Variants in CFAP47 observed in about 807,000 individuals in gnomAD.
The protein encoded by CFAP47 is cilia and flagella associated protein 47, also known as cilia- and flagella-associated protein 47.
CFAP47 carries 29 observed loss-of-function variants against 148.1 expected under a neutral mutation model. That is an observed-to-expected ratio of 0.20 (90% CI 0.15 to 0.27). The LOEUF (loss-of-function observed/expected upper bound fraction) is 0.27, where lower values mean the gene tolerates loss of function less well. CFAP47 is among the 10% of genes least tolerant of loss of function. The pLI is 1.00. For synonymous variants in CFAP47, 664 were observed against 577.3 expected (o/e 1.15, Z -2.15); for missense variants, 1,872 against 1,697.5 (o/e 1.10, Z -1.81).
chrX:35,951,108 G>T (rs1321703380), intron 4 of CFAP47, 23 bp from the exon 5 acceptor site: 1 of 1,055,882 alleles, frequency 9.5e-7, no homozygotes, highest in South Asian at 1.9e-5. Context: ...ATGTATGTAT[G>T]TGCATATCTT....
Position 36,261,851 on chromosome X carries a change from G to T in CFAP47, c.7444+10407G>T, listed in dbSNP as rs782071738. Among the ~76,000 whole-genome samples, 209 of 111,568 alleles carry T rather than the reference G, an allele frequency of 1.9e-3. 1 individual carries two copies. The highest frequency in any genetic ancestry group is 6.2e-3 in the African/African-American group (188 of 30,537). On this transcript the variant is annotated intron_variant, in intron 49 of 63. Coordinates refer to ENST00000378653, the MANE Select transcript of CFAP47 (RefSeq NM_001304548.2). ...AATGAGCTGTTGGGTACACCTCCCA[G>T]ACGGGGTGGTGGCCGGGCAGAGGGG... is the stretch of plus-strand genomic sequence containing the variant.
At chrX:36,031,103 A>G (rs774659467) in intron 22 of CFAP47, 150 bp from the exon 23 acceptor site, 2 of 245,399 alleles carry the variant, frequency 8.1e-6, no homozygotes, top group Non-Finnish European at 1.5e-5. Flanking sequence ...AAATGTTTTT[A>G]AATGTTATTT....
chrX:36,294,544 A>G (rs1373206100), intron 51 of CFAP47, among the ~76,000 whole-genome samples: 2 of 109,838 alleles, frequency 1.8e-5, no homozygotes, highest in African/African-American at 6.6e-5. Flanking sequence ...CCCCGTCTCT[A>G]CTAAAAATAC....
chrX:36,164,466 G>A (rs1320300488), intron 39 of CFAP47, among the ~76,000 whole-genome samples: 1 of 111,223 alleles, frequency 9.0e-6, no homozygotes, highest in Non-Finnish European at 1.9e-5. Flanking sequence ...TCTTGTATTA[G>A]TATAGCTACT....
At chrX:35,947,792 G>C (rs923324127) in intron 3 of CFAP47, among the ~76,000 whole-genome samples, 1 of 111,762 alleles carries the variant, frequency 8.9e-6, no homozygotes, top group Non-Finnish European at 1.9e-5. Flanking sequence ...TGGAGGTAAT[G>C]ATTGAAAATA....
chrX:36,178,266 C>A (rs188806033), intron 39 of CFAP47, among the ~76,000 whole-genome samples: 1 of 110,524 alleles, frequency 9.0e-6, no homozygotes, highest in Admixed American at 9.6e-5. Flanking sequence ...TCAATTATAC[C>A]CCAAACCTCA....
chrX:35,937,104 G>GTTTTTTTTTTTTTTTT (rs377601530), intron 2 of CFAP47, among the ~76,000 whole-genome samples: 1 of 55,541 alleles, frequency 1.8e-5, no homozygotes, highest in Non-Finnish European at 3.6e-5. Context: ...TGCAATTGCT[G>GTTTTTTTTTTTTTTTT]TTTTTTTTTT....
At chrX:36,084,658 AT>A (rs1314922075) in intron 29 of CFAP47, among the ~76,000 whole-genome samples, 1 of 111,805 alleles carries the variant, frequency 8.9e-6, no homozygotes, top group Non-Finnish European at 1.9e-5. Context: ...AATAGTGGTA[AT>A]TTTTAACTTC....
intron 48 of CFAP47, among the ~76,000 whole-genome samples, chrX:36,240,741 T>C (rs924868289): frequency 9.0e-6 from 1 of 111,654 alleles, no homozygotes; most frequent in African/African-American, 3.3e-5. Context: ...GCCCCAGATT[T>C]TATTAAACTT....
At chrX:36,300,915 A>C (rs1450097229) in intron 52 of CFAP47, among the ~76,000 whole-genome samples, 157 bp from the exon 53 acceptor site, 2 of 112,530 alleles carry the variant, frequency 1.8e-5, no homozygotes, top group African/African-American at 3.2e-5. Flanking sequence ...AAGAATTAAA[A>C]ATACATCTAC....
chrX:36,317,923 A>T (rs1349806427), intron 56 of CFAP47, among the ~76,000 whole-genome samples: 1 of 111,780 alleles, frequency 8.9e-6, no homozygotes, highest in African/African-American at 3.2e-5. Flanking sequence ...GATGCTGATA[A>T]GATATCTTAA....
chrX:36,243,804 T>G (rs1940580235), intron 48 of CFAP47, among the ~76,000 whole-genome samples: 1 of 107,002 alleles, frequency 9.3e-6, no homozygotes, highest in African/African-American at 3.3e-5. Flanking sequence ...AGACAGATCA[T>G]CAAGTCAGAA....
chrX:36,089,465 T>C (rs775592597), intron 30 of CFAP47, among the ~76,000 whole-genome samples: 5 of 112,249 alleles, frequency 4.5e-5, no homozygotes, highest in Non-Finnish European at 7.5e-5. Context: ...TTTAATGGAA[T>C]TGCATCTAAG....
At chrX:36,180,960 A>T (rs868416050) in intron 40 of CFAP47, among the ~76,000 whole-genome samples, 1 of 112,275 alleles carries the variant, frequency 8.9e-6, no homozygotes, top group Middle Eastern at 4.6e-3. Flanking sequence ...ATTGCTAAAA[A>T]CACTTCTGTA....
intron 60 of CFAP47, among the ~76,000 whole-genome samples, chrX:36,359,282 C>G (rs1556018884): frequency 1.8e-5 from 2 of 111,321 alleles, no homozygotes; most frequent in Non-Finnish European, 3.8e-5. Context: ...AAAATGTATA[C>G]AGAAGGGGAG....
chrX:36,155,095 A>T (rs888617920), intron 37 of CFAP47, among the ~76,000 whole-genome samples: 8 of 110,975 alleles, frequency 7.2e-5, no homozygotes, highest in African/African-American at 2.0e-4. Context: ...ATATGTATGA[A>T]TTTATATATA....
At chrX:36,041,719 C>T (rs1385283158) in intron 25 of CFAP47, among the ~76,000 whole-genome samples, 1 of 110,057 alleles carries the variant, frequency 9.1e-6, no homozygotes, top group Admixed American at 9.7e-5. Flanking sequence ...GTCACAAGAT[C>T]GAGACCATTT....
chrX:35,941,503 A>G lies in CFAP47; in HGVS notation c.517+105A>G, dbSNP rs1263650468. On this transcript the variant is annotated intron_variant, in intron 3 of 63. Coordinates refer to ENST00000378653, the MANE Select transcript of CFAP47 (RefSeq NM_001304548.2). ...ACCTAATTTAACTGAAAAAAGGTCT[A>G]TCATTTCAAATAGCTCAAAACCAAA... The G allele has an allele frequency of 5.0e-5, 21 of 415,981 alleles. No individual in the cohort carries two copies. In the East Asian group the frequency reaches 8.9e-4, roughly 18 times the overall value. 34.3% of individuals were successfully genotyped at this position (415,981 alleles called of 1,213,427 possible).
intron 3 of CFAP47, among the ~76,000 whole-genome samples, chrX:35,947,033 A>C (rs1936094073): frequency 9.0e-6 from 1 of 111,579 alleles, no homozygotes; most frequent in African/African-American, 3.3e-5. Flanking sequence ...TCAGAAACCA[A>C]TCCCCTTTGC....
Sources: gnomAD v4.1 joint callset for allele counts (sites outside exome capture counted in the v4.1 genomes callset) on GRCh38, gnomAD v4.1.1 for gene constraint, MANE v1.5 for transcripts, NCBI Gene and HGNC (gene_info 2026-07-23, HGNC 2026-07-21) for gene names.